Variants in NUDT7 observed in about 807,000 individuals in gnomAD.
NUDT7 encodes nudix hydrolase 7, also known as peroxisomal coenzyme A diphosphatase NUDT7.
Under a neutral mutation model 13.1 loss-of-function variants are expected in NUDT7, and 19 were observed. That is an observed-to-expected ratio of 1.45 (90% confidence interval 1.01 to 2.13). The LOEUF is 2.13. NUDT7 is among the 30% of genes most tolerant of loss of function. The pLI is 0.00. For synonymous variants in NUDT7, 132 were observed against 109.7 expected (o/e 1.20, Z -1.27); for missense variants, 360 against 291.7 (o/e 1.23, Z -1.71).
In NUDT7 at chr16:77,742,025, A is replaced by T; in HGVS notation, c.*75A>T. The T allele has an allele frequency of 6.7e-7, 1 of 1,493,728 alleles. No homozygotes were observed. Among genetic ancestry groups the T allele is most frequent in the Non-Finnish European group, 8.8e-7 (1 of 1,130,634 alleles). The allele number at this position is 1,493,728 out of a possible 1,614,324, so 92.5% of individuals were successfully genotyped here. On this transcript the variant is annotated 3_prime_UTR_variant, in exon 4 of 4. Transcript: ENST00000268533. ...TTATTCGTAGAACAACAACAATGCC[A>T]GCTGTTGGAATTTGACAGGTGTGAA...
intron 3 of NUDT7, chr16:77,737,498 T>C (rs1488857418): frequency 2.6e-5 from 3 of 114,518 alleles, no homozygotes; most frequent in Non-Finnish European, 5.6e-5. Context: ...GTTGTTGTTG[T>C]TTTTTTGACA....
intron 1 of NUDT7, among the ~76,000 whole-genome samples, chr16:77,722,862 GC>G (rs1451645037): frequency 2.0e-5 from 3 of 152,168 alleles, no homozygotes; most frequent in Non-Finnish European, 4.4e-5. Context: ...CCCCTTCCCA[GC>G]CGGCTTGGCT....
Position 77,732,693 on chromosome 16 carries a change from A to T in NUDT7, c.190-3135A>T, listed in dbSNP as rs548165842. 1.2e-3 allele frequency among the ~76,000 whole-genome samples: 190 copies of T among 152,354 alleles called. 3 individuals are homozygous for T. The South Asian group carries it at 0.038, about 30-fold the overall frequency. On this transcript the variant is annotated intron_variant, in intron 2 of 3. Coordinates refer to ENST00000268533, the MANE Select transcript of NUDT7 (RefSeq NM_001105663.3). ...ATAGCCTAGGTTTATAGTAGTCTATATTATCCAGGTTTGTGCAAGTGCACC... is the reference window on the plus strand; with the variant it reads ...ATAGCCTAGGTTTATAGTAGTCTATTTTATCCAGGTTTGTGCAAGTGCACC...
rs115179705 is a variant in NUDT7 at position 77,724,381 on chromosome 16, C to T, written c.36-1050C>T. Among the ~76,000 whole-genome samples the T allele has an allele frequency of 4.4e-3, 663 of 152,244 alleles. 2 individuals are homozygous for T. Among genetic ancestry groups the T allele is most frequent in the African/African-American group, 0.015 (636 of 41,542 alleles). On this transcript the variant is annotated intron_variant, in intron 1 of 3. Transcript: ENST00000268533. ...GGCTCAAGTGATCCTCCCACTTCCG[C>T]CTTCCAAGTAGCTGGGAATACAGTT...
At chr16:77,733,929 G>C (rs1205655704) in intron 2 of NUDT7, among the ~76,000 whole-genome samples, 2 of 152,174 alleles carry the variant, frequency 1.3e-5, no homozygotes, top group Non-Finnish European at 2.9e-5. Context: ...TGGAGGGTTT[G>C]TGCCTCTCCA....
chr16:77,734,475 T>G lies in NUDT7; in HGVS notation c.190-1353T>G, dbSNP rs193279372. On this transcript the variant is annotated intron_variant, in intron 2 of 3. Coordinates refer to ENST00000268533, the MANE Select transcript of NUDT7 (RefSeq NM_001105663.3). ...CGTCTCTACTAAAAATACAAAAAAT[T>G]AGCCGGGCATGCTGGTGGGCACCTG... is the stretch of plus-strand genomic sequence containing the variant. Among the ~76,000 whole-genome samples, 957 of 152,046 alleles carry G rather than the reference T, an allele frequency of 6.3e-3. 7 individuals are homozygous for G. The highest frequency in any genetic ancestry group is 0.022 in the African/African-American group (930 of 41,494).
At position 77,738,608 on chromosome 16, in the gene NUDT7, G is replaced by T. The variant is rs189483810; in HGVS notation, c.348+2622G>T. Among the ~76,000 whole-genome samples, 397 of 152,154 alleles carry T rather than the reference G, an allele frequency of 2.6e-3. 3 individuals carry two copies. The highest frequency in any genetic ancestry group is 9.1e-3 in the African/African-American group (379 of 41,506). On this transcript the variant is annotated intron_variant, in intron 3 of 3. Coordinates refer to ENST00000268533, the MANE Select transcript of NUDT7 (RefSeq NM_001105663.3). ...TAGCTGGGAGTGGAAGGGTGCTATT[G>T]GCTTTTCTCAAGTGATCTCGAGTCC...
intron 2 of NUDT7, among the ~76,000 whole-genome samples, chr16:77,728,414 G>A (rs2014209999): frequency 6.6e-6 from 1 of 152,018 alleles, no homozygotes; most frequent in Non-Finnish European, 1.5e-5. Context: ...TGTATTTTTA[G>A]TAGAGAGGGA....
At chr16:77,729,233 AAAC>A (rs1213681228) in intron 2 of NUDT7, among the ~76,000 whole-genome samples, 1 of 152,214 alleles carries the variant, frequency 6.6e-6, no homozygotes, top group Non-Finnish European at 1.5e-5. Flanking sequence ...TCTTTTTTAA[AAAC>A]AAAATTAAAT....
In NUDT7 at chr16:77,742,009, GAAC is replaced by G. The variant is rs1158034701; in HGVS notation, c.*68_*70del. The G allele has an allele frequency of 1.7e-5, 25 of 1,505,446 alleles. No homozygotes were observed. The highest frequency in any genetic ancestry group is 9.1e-5 in the East Asian group (4 of 43,974). 93.3% of individuals were successfully genotyped at this position (1,505,446 alleles called of 1,614,324 possible). A position where few individuals can be genotyped will look rare whatever the true frequency, so the allele number is the denominator to read the frequency against. On this transcript the variant is annotated 3_prime_UTR_variant, in exon 4 of 4. Coordinates refer to ENST00000268533, the MANE Select transcript of NUDT7 (RefSeq NM_001105663.3). ...AGGATTCTGTGTGTGCTTATTCGTA[GAAC>G]AACAACAATGCCAGCTGTTGGAATT...
chr16:77,723,356 C>T (rs191341964), intron 1 of NUDT7, among the ~76,000 whole-genome samples: 11 of 152,212 alleles, frequency 7.2e-5, no homozygotes, highest in African/African-American at 2.2e-4. Flanking sequence ...AATACACTGC[C>T]GTTACCCAAC....
At chr16:77,728,278 G>C (rs780702663) in intron 2 of NUDT7, among the ~76,000 whole-genome samples, 19 of 152,142 alleles carry the variant, frequency 1.2e-4, no homozygotes, top group Non-Finnish European at 2.1e-4. Context: ...TGTCGCCCAG[G>C]CTGGAGTGCA....
chr16:77,724,858 G>A (rs7193420), intron 1 of NUDT7, among the ~76,000 whole-genome samples: 15,510 of 152,178 alleles, frequency 0.1, 996 homozygotes, highest in African/African-American at 0.18. Context: ...TGTCCACAGC[G>A]TCAGTAACGC....
chr16:77,739,875 G>A (rs2014604636), intron 3 of NUDT7, among the ~76,000 whole-genome samples: 1 of 152,142 alleles, frequency 6.6e-6, no homozygotes, highest in Non-Finnish European at 1.5e-5. Flanking sequence ...TGAAATCCCA[G>A]CTCCCTTGTC....
chr16:77,735,979 T>C lies in NUDT7; in HGVS notation c.341T>C (p.Leu114Pro), dbSNP rs747683863. 6.2e-7 allele frequency: 1 copy of C among 1,613,916 alleles called. No individual in the cohort carries two copies. The highest frequency in any genetic ancestry group is 2.2e-5 in the East Asian group (1 of 44,882). ...GTTGTCTGCTGCCTGGTGCCATGTC[T>C]TATTGATGTAAGGGTTTCCTGAGAC... ...VEVVCCLVPC[L>P]IDTDTLITPF... is the part of the protein sequence containing the mutation. The change falls in exon 3 of 4, where the codon CTT becomes CCT. Residue 114 changes from leucine to proline, a missense_variant. Transcript: ENST00000268533.
At chr16:77,723,592 CT>C (rs148451618) in intron 1 of NUDT7, among the ~76,000 whole-genome samples, 31,048 of 125,330 alleles carry the variant, frequency 0.25, 3,476 homozygotes, top group South Asian at 0.35. Flanking sequence ...TTTGTATACA[CT>C]TTTTTTTTTT....
intron 2 of NUDT7, among the ~76,000 whole-genome samples, chr16:77,729,967 A>G (rs1229979243): frequency 8.4e-6 from 1 of 118,944 alleles, no homozygotes; most frequent in East Asian, 2.7e-4. Flanking sequence ...ATAGTAACAT[A>G]TTACCACACA....
chr16:77,723,950 G>A (rs565784162), intron 1 of NUDT7, among the ~76,000 whole-genome samples: 1 of 152,240 alleles, frequency 6.6e-6, no homozygotes, highest in Admixed American at 6.5e-5. Flanking sequence ...TGCCCACTAT[G>A]CAAAGCTGCC....
chr16:77,732,507 C>T (rs1350030113), intron 2 of NUDT7, among the ~76,000 whole-genome samples: 1 of 152,072 alleles, frequency 6.6e-6, no homozygotes, highest in East Asian at 1.9e-4. Flanking sequence ...TGGTAAATGC[C>T]CCATACTGGT....
Sources: gnomAD v4.1 joint callset for allele counts (sites outside exome capture counted in the v4.1 genomes callset) on GRCh38, gnomAD v4.1.1 for gene constraint, MANE v1.5 for transcripts, NCBI Gene and HGNC (gene_info 2026-07-23, HGNC 2026-07-21) for gene names.